Variants in PCDHA3 observed in about 807,000 individuals in gnomAD.
The protein encoded by PCDHA3 is protocadherin alpha 3, also known as protocadherin alpha-3.
Under a neutral mutation model 62.2 loss-of-function variants are expected in PCDHA3, and 41 were observed. The observed-to-expected ratio is 0.66, with a 90% confidence interval of 0.51 to 0.86. The LOEUF (loss-of-function observed/expected upper bound fraction) is 0.86, where lower values mean the gene tolerates loss of function less well. Among genes scored for constraint, PCDHA3 ranks in the 40% least tolerant of loss-of-function variants. The pLI is 0.00. For synonymous variants in PCDHA3, 640 were observed against 555.4 expected (o/e 1.15, Z -2.14); for missense variants, 1,304 against 1,241.2 (o/e 1.05, Z -0.76).
At position 140,852,209 on chromosome 5, in the gene PCDHA3, A is replaced by AATTTTTATTTT. The variant is rs1554145712; in HGVS notation, c.2394+48619_2394+48620insTTTTTATTTTA. The AATTTTTATTTT allele has an allele frequency of 1.2e-5, 8 of 650,776 alleles. No homozygotes were observed. The East Asian group carries it at 1.1e-3, about 87-fold the overall frequency. 40.3% of individuals were successfully genotyped at this position (650,776 alleles called of 1,614,324 possible). ...AATGCCAGTAACGTTTATTTAAAAC[A>AATTTTTATTTT]AAATATTTTAATTTTTAAATTTTCC... is the stretch of plus-strand genomic sequence containing the variant. On this transcript the variant is annotated intron_variant, in intron 1 of 3. Coordinates refer to ENST00000522353, the MANE Select transcript of PCDHA3 (RefSeq NM_018906.3).
intron 1 of PCDHA3, chr5:140,823,017 C>T: frequency 6.2e-7 from 1 of 1,614,228 alleles, no homozygotes; most frequent in Admixed American, 1.7e-5. Context: ...CCCTGGACCG[C>T]GAGAGCGTGT....
chr5:140,892,477 A>G (rs2063535340), intron 1 of PCDHA3, among the ~76,000 whole-genome samples: 1 of 152,220 alleles, frequency 6.6e-6, no homozygotes, highest in South Asian at 2.1e-4. Context: ...TCAGTTTCCT[A>G]GCCAAACATG....
At chr5:140,815,500 G>A (rs1554126799) in intron 1 of PCDHA3, 1 of 150,994 alleles carries the variant, frequency 6.6e-6, no homozygotes, top group African/African-American at 2.4e-5. Flanking sequence ...TTATGTTATT[G>A]ATGTCATAAA....
At chr5:140,820,308 A>G (rs1455881999) in intron 1 of PCDHA3, among the ~76,000 whole-genome samples, 1 of 152,020 alleles carries the variant, frequency 6.6e-6, no homozygotes, top group Non-Finnish European at 1.5e-5. Flanking sequence ...CTATGACAAT[A>G]TCTTGTTTCT....
At chr5:140,967,346 G>A (rs1332345482) in intron 1 of PCDHA3, 1 of 1,607,970 alleles carries the variant, frequency 6.2e-7, no homozygotes, top group Non-Finnish European at 8.5e-7. Flanking sequence ...CGAGCACTTC[G>A]AGCTGGACCT....
At chr5:140,971,892 G>T in intron 1 of PCDHA3, among the ~76,000 whole-genome samples, 1 of 151,812 alleles carries the variant, frequency 6.6e-6, no homozygotes, top group African/African-American at 2.4e-5. Context: ...AGCTCAGGGA[G>T]GTTAGGTAAT....
chr5:140,895,617 G>A (rs782388218), intron 1 of PCDHA3, among the ~76,000 whole-genome samples: 2 of 152,084 alleles, frequency 1.3e-5, no homozygotes, highest in Non-Finnish European at 2.9e-5. Context: ...CTCATTGAGG[G>A]TGTTGTCTTT....
At chr5:140,855,786 GAATT>G (rs2043624411) in intron 1 of PCDHA3, 1 of 434,404 alleles carries the variant, frequency 2.3e-6, no homozygotes, top group Non-Finnish European at 4.1e-6. Context: ...CGTAAAAAAA[GAATT>G]AACATATGAA....
chr5:140,827,973 TC>T, intron 1 of PCDHA3: 3 of 1,400,782 alleles, frequency 2.1e-6, no homozygotes, highest in Non-Finnish European at 2.9e-6. Flanking sequence ...ACTGCATCAT[TC>T]CCTGACTGTT....
At chr5:140,997,884 C>G (rs2097789340) in intron 3 of PCDHA3, among the ~76,000 whole-genome samples, 1 of 152,076 alleles carries the variant, frequency 6.6e-6, no homozygotes, top group African/African-American at 2.4e-5. Context: ...AGTATTTATA[C>G]AGGATAAATT....
At position 140,875,871 on chromosome 5, in the gene PCDHA3, C is replaced by G. The variant is rs2055892299; in HGVS notation, c.2394+72280C>G. On this transcript the variant is annotated intron_variant, in intron 1 of 3. Transcript: ENST00000522353. ...ACATTAACGACAACCCGCCGGTGTT[C>G]AGAGAAAGGGAACAAAAGGTACCTG... 3 of 1,614,188 alleles carry G rather than the reference C, an allele frequency of 1.9e-6. No individual in the cohort carries two copies. The highest frequency in any genetic ancestry group is 2.5e-6 in the Non-Finnish European group (3 of 1,180,036).
chr5:140,927,478 C>T (rs959432734), intron 1 of PCDHA3: 12 of 1,613,944 alleles, frequency 7.4e-6, no homozygotes, highest in African/African-American at 1.3e-5. Flanking sequence ...TCGCGAACAG[C>T]GCGCCACCCA....
intron 1 of PCDHA3, among the ~76,000 whole-genome samples, chr5:140,977,927 T>G (rs1214119079): frequency 6.6e-6 from 1 of 152,180 alleles, no homozygotes; most frequent in Non-Finnish European, 1.5e-5. Context: ...TTCATTCAAC[T>G]ATACCTCAAT....
rs1289199401 is a variant in PCDHA3, at chr5:140,803,171, A to T, written c.1974A>T (p.Ser658=). The T allele has an allele frequency of 6.2e-7, 1 of 1,613,864 alleles. No individual in the cohort carries two copies. The highest frequency in any genetic ancestry group is 1.7e-5 in the Admixed American group (1 of 60,026). ...TGGTGAAGGACCACGGTGAACCCTCATTGACCGCCACGGCCACTGTGCTGG... is the reference window on the plus strand; with the variant it reads ...TGGTGAAGGACCACGGTGAACCCTCTTTGACCGCCACGGCCACTGTGCTGG... ...LVLVKDHGEP[S]LTATATVLVS... Residue 658 remains serine, a synonymous_variant, in exon 1 of 4, where the codon TCA becomes TCT. Transcript: ENST00000522353.
In PCDHA3 at chr5:140,928,308, C is replaced by T. The variant is rs1554205728; in HGVS notation, c.2395-50641C>T. On this transcript the variant is annotated intron_variant, in intron 1 of 3. Transcript: ENST00000522353. The stretch of plus-strand genomic sequence containing the variant: ...TAGGCCGAGTGTTTGCCCAGGACCC[C>T]GACCTGGGGAAGAATGGCCTTGTCT... 3.7e-6 allele frequency: 6 copies of T among 1,614,008 alleles called. No individual in the cohort carries two copies. The South Asian group carries it at 5.5e-5, about 15-fold the overall frequency.
chr5:140,868,940 A>G, intron 1 of PCDHA3: 1 of 1,249,402 alleles, frequency 8.0e-7, no homozygotes, highest in South Asian at 1.6e-5. Context: ...GGTTGGTCTG[A>G]ACAGTGAGGC....
chr5:140,835,907 G>C, intron 1 of PCDHA3: 1 of 1,612,200 alleles, frequency 6.2e-7, no homozygotes, highest in Non-Finnish European at 8.5e-7. Flanking sequence ...CGAGCTACGT[G>C]TCAGTGCACG....
intron 1 of PCDHA3, chr5:140,868,008 G>C (rs953372223): frequency 2.2e-4 from 34 of 152,046 alleles, no homozygotes; most frequent in African/African-American, 7.7e-4. Context: ...AACTGAATTA[G>C]ATTAAGGAAA....
chr5:140,815,965 T>C (rs1765823391), intron 1 of PCDHA3: 1 of 152,228 alleles, frequency 6.6e-6, no homozygotes, highest in Non-Finnish European at 1.5e-5. Context: ...AGGGGTGTTC[T>C]TTTGTACGTG....
Sources: allele counts gnomAD v4.1 joint callset (sites outside exome capture counted in the v4.1 genomes callset), GRCh38; gene constraint gnomAD v4.1.1; transcripts MANE v1.5; gene names NCBI Gene and HGNC (gene_info 2026-07-23, HGNC 2026-07-21).